The following ZNF385C variants were observed in gnomAD, a reference collection of about 807,000 sequenced individuals.
ZNF385C encodes zinc finger protein 385C.
ZNF385C carries 28 observed loss-of-function variants against 35.4 expected under a neutral mutation model. The observed-to-expected ratio is 0.79, with a 90% CI of 0.59 to 1.08. The LOEUF (loss-of-function observed/expected upper bound fraction) is 1.08, where lower values mean the gene tolerates loss of function less well. Among genes scored for constraint, ZNF385C ranks in the 50% least tolerant of loss-of-function variants. The pLI, the probability that ZNF385C is intolerant of heterozygous loss-of-function variation, is 0.00. For missense variants in ZNF385C, 605 were observed against 595.6 expected, an observed-to-expected ratio of 1.02 and a Z score of -0.16; for synonymous variants, 248 against 248.2, an observed-to-expected ratio of 1.00 and a Z score of 0.01.
chr17:42,034,074 C>G, intron 4 of ZNF385C, 151 bp downstream of exon 4: 4 of 675,238 alleles, frequency 5.9e-6, no homozygotes, highest in East Asian at 5.5e-5. Context: ...GTTAAAGGAC[C>G]AAGAGTGCCT....
chr17:42,043,991 T>G (rs1555656367), intron 2 of ZNF385C, among the ~76,000 whole-genome samples: 1 of 151,810 alleles, frequency 6.6e-6, no homozygotes, highest in African/African-American at 2.4e-5. Flanking sequence ...AAGATGACTG[T>G]GCCCTTCAGC....
chr17:42,045,106 A>T (rs931898610), intron 2 of ZNF385C, among the ~76,000 whole-genome samples: 1 of 152,106 alleles, frequency 6.6e-6, no homozygotes, highest in East Asian at 1.9e-4. Context: ...TTTAGTGGAG[A>T]CGGGGTTTCA....
At chr17:42,027,183 AC>A (rs781835833) in intron 8 of ZNF385C, 50 bp from the exon 9 acceptor site, 2 of 1,506,468 alleles carry the variant, frequency 1.3e-6, no homozygotes, top group Non-Finnish European at 1.8e-6. Flanking sequence ...AGAAAACCCC[AC>A]CCCCTCCCTG....
intron 2 of ZNF385C, chr17:42,043,437 C>T: frequency 8.2e-7 from 1 of 1,217,408 alleles, no homozygotes; most frequent in Non-Finnish European, 1.0e-6. Context: ...CCCCTGCCTC[C>T]CCCACACACA....
intron 2 of ZNF385C, chr17:42,039,082 C>G (rs1298171345): frequency 2.6e-5 from 4 of 152,116 alleles, no homozygotes; most frequent in African/African-American, 9.7e-5. Context: ...GAAACCCTGT[C>G]TCTACTAAAA....
intron 2 of ZNF385C, among the ~76,000 whole-genome samples, chr17:42,045,637 ACTGT>A (rs1555656571): frequency 6.6e-6 from 1 of 152,184 alleles, no homozygotes; most frequent in Non-Finnish European, 1.5e-5. Context: ...CCTGGTCTGT[ACTGT>A]CTCTCTCCCT....
rs35206698 is a variant in ZNF385C, at chr17:42,044,140, T to TA, written c.251-6256dup. On this transcript the variant is annotated intron_variant, in intron 2 of 8. Coordinates refer to ENST00000692273, the MANE Select transcript of ZNF385C (RefSeq NM_001392013.1). ...GGGCAACATGGCAAAACCCCATCTC[T>TA]AAAAAAAAAAAAAAAAAAAAAAATT... Among the ~76,000 whole-genome samples, 207 of 83,592 alleles carry TA rather than the reference T, an allele frequency of 2.5e-3. 4 individuals are homozygous for TA. The highest frequency in any genetic ancestry group is 0.018 in the South Asian group (38 of 2,092). 54.8% of individuals were successfully genotyped at this position (83,592 alleles called of 152,430 possible).
At chr17:42,048,204 G>A (rs576653285) in intron 2 of ZNF385C, among the ~76,000 whole-genome samples, 1 of 151,656 alleles carries the variant, frequency 6.6e-6, no homozygotes, top group African/African-American at 2.4e-5. Flanking sequence ...CTGCCTCCCC[G>A]GCCTGTTCCT....
intron 7 of ZNF385C, 126 bp downstream of exon 7, chr17:42,027,924 T>C: frequency 7.5e-7 from 1 of 1,325,790 alleles, no homozygotes; most frequent in Non-Finnish European, 1.0e-6. Flanking sequence ...ACTGGCCTGC[T>C]GGCCTCGCTT....
rs1454724922 is a variant in ZNF385C at position 42,067,295 on chromosome 17, CTGTT to C, written c.-2-4241_-2-4238del. Among the ~76,000 whole-genome samples the C allele has an allele frequency of 4.6e-5, 7 of 152,290 alleles. No individual in the cohort carries two copies. The East Asian group carries it at 1.4e-3, about 29-fold the overall frequency. On this transcript the variant is annotated intron_variant, in intron 1 of 8. Coordinates refer to ENST00000692273, the MANE Select transcript of ZNF385C (RefSeq NM_001392013.1). ...CCAGAACTGAGACAATAAACTTCTA[CTGTT>C]TAAGTGCCACCCAGCCTGTGGCACT...
chr17:42,054,524 T>A (rs548902402), intron 2 of ZNF385C, among the ~76,000 whole-genome samples: 2 of 151,704 alleles, frequency 1.3e-5, no homozygotes, highest in African/African-American at 4.8e-5. Flanking sequence ...CCCTTGGATC[T>A]GCTATCTGGG....
rs139411325 is a variant in ZNF385C, at chr17:42,077,537, A to G, written c.-2-14479T>C. On this transcript the variant is annotated intron_variant, in intron 1 of 8. Transcript: ENST00000692273. ...TTCTTGCTCCTGGGGCCTTTCCCAAATGTTCAATAAGTAACATTTCTACTA... is the reference window on the plus strand; with the variant it reads ...TTCTTGCTCCTGGGGCCTTTCCCAAGTGTTCAATAAGTAACATTTCTACTA... 2.1e-3 allele frequency among the ~76,000 whole-genome samples: 318 copies of G among 152,308 alleles called. 2 individuals carry two copies. Among genetic ancestry groups the G allele is most frequent in the African/African-American group, 7.5e-3 (311 of 41,564 alleles).
At chr17:42,085,014 G>A (rs1555660020) in intron 1 of ZNF385C, among the ~76,000 whole-genome samples, 1 of 152,034 alleles carries the variant, frequency 6.6e-6, no homozygotes, top group Non-Finnish European at 1.5e-5. Context: ...ATAAAGATCT[G>A]GGCTGGGTGC....
intron 2 of ZNF385C, chr17:42,062,364 C>T (rs1555658070): frequency 1.3e-5 from 2 of 157,194 alleles, no homozygotes; most frequent in East Asian, 1.9e-4. Context: ...GGGCCTCCCC[C>T]TTGTCCCTGG....
In ZNF385C at chr17:42,050,341, A is replaced by C. The variant is rs1458267043; in HGVS notation, c.251-12456T>G. On this transcript the variant is annotated intron_variant, in intron 2 of 8. Transcript: ENST00000692273. This position sits in a 1 kb window ranked among gnomAD's most constrained non-coding sequence, Gnocchi z 5.6. ...AGGGCCGGGCGCCCCCTGCTCTGACAGCCCTGGTGAGAAGGGGCTCCCCTG... is the reference window on the plus strand; with the variant it reads ...AGGGCCGGGCGCCCCCTGCTCTGACCGCCCTGGTGAGAAGGGGCTCCCCTG... 6.6e-6 allele frequency among the ~76,000 whole-genome samples: 1 copy of C among 152,104 alleles called. No homozygotes were observed. The highest frequency in any genetic ancestry group is 6.5e-5 in the Admixed American group (1 of 15,286).
At chr17:42,081,508 G>A (rs1439349002) in intron 1 of ZNF385C, among the ~76,000 whole-genome samples, 1 of 152,118 alleles carries the variant, frequency 6.6e-6, no homozygotes, top group African/African-American at 2.4e-5. Flanking sequence ...TGCCTCAGCT[G>A]GGATTACAGG....
chr17:42,058,358 C>G (rs946838839), intron 2 of ZNF385C, among the ~76,000 whole-genome samples: 1 of 152,212 alleles, frequency 6.6e-6, no homozygotes, highest in South Asian at 2.1e-4. Context: ...GCCAGAGGCC[C>G]GAGACCTCGT....
intron 3 of ZNF385C, among the ~76,000 whole-genome samples, chr17:42,036,717 G>A (rs1422509468): frequency 6.6e-6 from 1 of 152,028 alleles, no homozygotes; most frequent in Non-Finnish European, 1.5e-5. Flanking sequence ...TGGCCTGCAG[G>A]GGCCCCCTGC....
At chr17:42,041,064 A>G in intron 2 of ZNF385C, 7 of 1,232,326 alleles carry the variant, frequency 5.7e-6, no homozygotes, top group Non-Finnish European at 6.1e-6. Context: ...GGGACACTGA[A>G]GTGGCAAACA....
Sources: gnomAD v4.1 joint callset for allele counts (sites outside exome capture counted in the v4.1 genomes callset) on GRCh38, gnomAD v4.1.1 for gene constraint, Gnocchi (gnomAD v3.1) non-coding constraint, MANE v1.5 for transcripts, NCBI Gene and HGNC (gene_info 2026-07-23, HGNC 2026-07-21) for gene names.